KCNV2: variants seen among roughly 807,000 people sequenced by gnomAD.
KCNV2 encodes the protein potassium voltage-gated channel subfamily V member 2.
Under a neutral mutation model 37.0 loss-of-function variants are expected in KCNV2, and 65 were observed. The observed-to-expected ratio is 1.76, with a 90% CI of 1.44 to 2.16. The LOEUF (loss-of-function observed/expected upper bound fraction) is 2.16. Among genes scored for constraint, KCNV2 ranks in the 30% most tolerant of loss-of-function variants. The pLI is 0.00. For missense variants in KCNV2, 1,232 were observed against 766.7 expected, an observed-to-expected ratio of 1.61 and a Z score of -7.17; for synonymous variants, 518 against 328.6, an observed-to-expected ratio of 1.58 and a Z score of -6.23.
At chr9:2,723,759 TACGAG>T (rs1819921220) in intron 1 of KCNV2, among the ~76,000 whole-genome samples, 1 of 152,176 alleles carries the variant, frequency 6.6e-6, no homozygotes, top group African/African-American at 2.4e-5. Context: ...CTATAAAACA[TACGAG>T]AAGGTCAGCT....
intron 1 of KCNV2, among the ~76,000 whole-genome samples, chr9:2,723,542 G>A (rs532263064): frequency 6.6e-6 from 1 of 152,004 alleles, no homozygotes; most frequent in Admixed American, 6.5e-5. Flanking sequence ...TTTTTCATCT[G>A]TCAAATGGAG....
intron 1 of KCNV2, among the ~76,000 whole-genome samples, chr9:2,723,649 T>C (rs1430936606): frequency 9.2e-5 from 14 of 152,252 alleles, no homozygotes. Flanking sequence ...GACTAGTTGA[T>C]AGTCTTTGTC....
rs1819804957 is a variant in KCNV2 at position 2,718,853 on chromosome 9, GT to G, written c.1115del (p.Val372GlyfsTer82). On this transcript the variant is annotated frameshift_variant, in exon 1 of 2. Transcript: ENST00000382082. LOFTEE classifies it high-confidence loss of function. ...RGQTVGSVGK[V>X]GQVLRVMRLM... is the part of the protein sequence containing the mutation. ...CCAGACGGTGGGCAGCGTGGGTAAG[GT>G]GGGTCAGGTGTTGCGCGTCATGCGC... is the stretch of plus-strand genomic sequence containing the variant. The G allele has an allele frequency of 6.2e-7, 1 of 1,609,210 alleles. No homozygotes were observed. The highest frequency in any genetic ancestry group is 8.5e-7 in the Non-Finnish European group (1 of 1,179,966).
intron 1 of KCNV2, among the ~76,000 whole-genome samples, chr9:2,724,108 T>G (rs910915519): frequency 1.8e-4 from 27 of 151,948 alleles, no homozygotes; most frequent in African/African-American, 6.3e-4. Flanking sequence ...CCTTCTGAGT[T>G]TTCCAGGGCA....
chr9:2,728,328 G>A (rs897157449), intron 1 of KCNV2, among the ~76,000 whole-genome samples: 18 of 152,168 alleles, frequency 1.2e-4, no homozygotes, highest in Admixed American at 3.3e-4. Flanking sequence ...CTGGAGTAGT[G>A]CAACGCAAAA....
rs932944724 is a variant in KCNV2 at position 2,718,150 on chromosome 9, C to A, written c.411C>A (p.Ser137Arg). ...ATSTSRSRQL[S>R]LCDDYEEQTD... Reference sequence around the variant, plus strand: ...CCACCAGCCGCAGCCGCCAGCTAAGCCTGTGCGACGACTACGAGGAGCAGA... The same window carrying A: ...CCACCAGCCGCAGCCGCCAGCTAAGACTGTGCGACGACTACGAGGAGCAGA... Residue 137 changes from serine (S) to arginine (R), a missense_variant, in exon 1 of 2, where the codon AGC (serine) becomes AGA (arginine). Coordinates refer to ENST00000382082, the MANE Select transcript of KCNV2 (RefSeq NM_133497.4). 1 of 1,611,526 alleles carries A rather than the reference C, an allele frequency of 6.2e-7. No individual in the cohort carries two copies. The highest frequency in any genetic ancestry group is 2.2e-5 in the East Asian group (1 of 44,794).
chr9:2,718,148 A>C lies in KCNV2; in HGVS notation c.409A>C (p.Ser137Arg). 6.2e-7 allele frequency: 1 copy of C among 1,611,430 alleles called. No homozygotes were observed. Among genetic ancestry groups the C allele is most frequent in the Non-Finnish European group, 8.5e-7 (1 of 1,178,924 alleles). ...CTCCACCAGCCGCAGCCGCCAGCTA[A>C]GCCTGTGCGACGACTACGAGGAGCA... The part of the protein sequence containing the change: ...ATSTSRSRQL[S>R]LCDDYEEQTD... Residue 137 changes from serine to arginine, a missense_variant, in exon 1 of 2, where the codon AGC becomes CGC. By Grantham distance (110) the Ser-to-Arg change is moderately radical (BLOSUM62 -1). Transcript: ENST00000382082.
In KCNV2 at chr9:2,718,573, G is replaced by A. The variant is rs1429376047; in HGVS notation, c.834G>A (p.Ala278=). ...TFVLVSVVAL[A]LNTVEEMQQH... is the part of the protein sequence containing the mutation. ...TGCTCGTCTCCGTGGTGGCGCTGGC[G>A]CTCAACACCGTGGAGGAGATGCAGC... The change falls in exon 1 of 2, where the codon GCG becomes GCA. Residue 278 remains alanine (A), a synonymous_variant. Transcript: ENST00000382082. 7 of 1,612,710 alleles carry A rather than the reference G, an allele frequency of 4.3e-6. No homozygotes were observed. The highest frequency in any genetic ancestry group is 1.7e-4 in the Middle Eastern group (1 of 6,040).
At chr9:2,724,896 A>G (rs146971002) in intron 1 of KCNV2, among the ~76,000 whole-genome samples, 1 of 152,376 alleles carries the variant, frequency 6.6e-6, no homozygotes, top group Non-Finnish European at 1.5e-5. Context: ...GAGACAACAT[A>G]TAAATATCTG....
intron 1 of KCNV2, among the ~76,000 whole-genome samples, chr9:2,727,980 G>C (rs367612149): frequency 1.8e-4 from 28 of 152,106 alleles, no homozygotes; most frequent in African/African-American, 6.0e-4. Flanking sequence ...AAGGCTGCAT[G>C]ACCTCTCACA....
At position 2,717,621 on chromosome 9, in the gene KCNV2, C is replaced by T. The variant is rs977172552; in HGVS notation, c.-119C>T. On this transcript the variant is annotated 5_prime_UTR_variant, in exon 1 of 2. Coordinates refer to ENST00000382082, the MANE Select transcript of KCNV2 (RefSeq NM_133497.4). ...GTCTGAGCCCCTAGCTGTGCTGGTC[C>T]GGGCTGGCCTCTCTAAGACAGTGCA... 8.4e-6 allele frequency: 11 copies of T among 1,311,842 alleles called. No individual in the cohort carries two copies. The Admixed American group carries it at 9.0e-5, about 11-fold the overall frequency. 81.3% of individuals were successfully genotyped at this position (1,311,842 alleles called of 1,614,324 possible).
intron 1 of KCNV2, among the ~76,000 whole-genome samples, chr9:2,723,929 T>C (rs567813222): frequency 1.5e-4 from 22 of 151,470 alleles, no homozygotes; most frequent in Middle Eastern, 3.5e-3. Flanking sequence ...CTGTAATCAT[T>C]GGCCTCCTGT....
chr9:2,718,511 GC>G lies in KCNV2; in HGVS notation c.774del (p.Ala259ProfsTer63), dbSNP rs753147277. 7 of 1,610,626 alleles carry G rather than the reference GC, an allele frequency of 4.3e-6. No homozygotes were observed. In the Admixed American group the frequency reaches 1.2e-4, roughly 27 times the overall value. The part of the protein sequence containing the change: ...NLMEKPFSSV[A>X]AKAIGVASST... The stretch of plus-strand genomic sequence containing the variant: ...CATGGAGAAGCCATTCTCCTCGGTG[GC>G]CGCCAAGGCCATCGGGGTGGCCTCC... On this transcript the variant is annotated frameshift_variant, in exon 1 of 2. Transcript: ENST00000382082. LOFTEE classifies it high-confidence loss of function.
Position 2,729,687 on chromosome 9 carries a change from T to C in KCNV2, c.1598T>C (p.Leu533Pro), listed in dbSNP as rs1459396838. 2 of 1,613,980 alleles carry C rather than the reference T, an allele frequency of 1.2e-6. No homozygotes were observed. The highest frequency in any genetic ancestry group is 1.3e-5 in the African/African-American group (1 of 74,906). The change falls in exon 2 of 2, where the codon CTT becomes CCT. Residue 533 changes from leucine (L) to proline (P), a missense_variant. Leu to Pro is a moderately conservative substitution (Grantham distance 98, BLOSUM62 -3). Coordinates refer to ENST00000382082, the MANE Select transcript of KCNV2 (RefSeq NM_133497.4). ...AGAAAGAAGATAGCTGAGTGTTTGC[T>C]TGGAAGCAACCCACAGCTCACCCCA... ...RARKKIAECL[L>P]GSNPQLTPRQ...
Position 2,718,817 on chromosome 9 carries a change from C to T in KCNV2, c.1078C>T (p.His360Tyr), listed in dbSNP as rs1819803383. ...GCTCGAGTGCTTCACGGGCGAGGGC[C>T]ACCAACGCGGCCAGACGGTGGGCAG... ...LLLECFTGEG[H>Y]QRGQTVGSVG... is the part of the protein sequence containing the mutation. Residue 360 changes from histidine (H) to tyrosine (Y), a missense_variant, in exon 1 of 2, where the codon CAC (histidine) becomes TAC (tyrosine). Coordinates refer to ENST00000382082, the MANE Select transcript of KCNV2 (RefSeq NM_133497.4). 2 of 1,610,194 alleles carry T rather than the reference C, an allele frequency of 1.2e-6. No individual in the cohort carries two copies. Among genetic ancestry groups the T allele is most frequent in the East Asian group, 4.5e-5 (2 of 44,874 alleles).
Position 2,718,017 on chromosome 9 carries a change from C to CG in KCNV2, c.280dup (p.Ala94GlyfsTer278), listed in dbSNP as rs1221249050. 1.2e-6 allele frequency: 2 copies of CG among 1,613,110 alleles called. No individual in the cohort carries two copies. Among genetic ancestry groups the CG allele is most frequent in the East Asian group, 4.5e-5 (2 of 44,834 alleles). ...AAGCCCGAGGGCCCCAGCGACCCTC[C>CG]GGCCCTGCTGTCCACGCTGAATGTG... On this transcript the variant is annotated frameshift_variant, in exon 1 of 2. Transcript: ENST00000382082. LOFTEE classifies it high-confidence loss of function.
rs914000249 is a variant in KCNV2, at chr9:2,722,460, G to A, written c.1356+3365G>A. 3.1e-4 allele frequency among the ~76,000 whole-genome samples: 42 copies of A among 135,812 alleles called. 1 individual carries two copies. The South Asian group carries it at 4.8e-3, about 15-fold the overall frequency. The allele number at this position is 135,812 out of a possible 152,430, so 89.1% of individuals were successfully genotyped here. ...ATAAATAAGTTATTTATAAATAGAA[G>A]TTATTTATAAATAAGTTATTTATAA... On this transcript the variant is annotated intron_variant, in intron 1 of 1. Coordinates refer to ENST00000382082, the MANE Select transcript of KCNV2 (RefSeq NM_133497.4).
chr9:2,729,356 G>A lies in KCNV2; in HGVS notation c.1357-90G>A, dbSNP rs1230108990. On this transcript the variant is annotated intron_variant, in intron 1 of 1. Transcript: ENST00000382082. The stretch of plus-strand genomic sequence containing the variant: ...ATTACACTTCCCATGTGTACCCACA[G>A]GGAGGACGCTTCCCTGCTTGCTCCT... 6 of 1,447,632 alleles carry A rather than the reference G, an allele frequency of 4.1e-6. No individual in the cohort carries two copies. The East Asian group carries it at 1.1e-4, about 27-fold the overall frequency. The allele number at this position is 1,447,632 out of a possible 1,614,324, so 89.7% of individuals were successfully genotyped here. A position where few individuals can be genotyped will look rare whatever the true frequency, so the allele number is the denominator to read the frequency against.
chr9:2,723,567 CTAATG>C (rs35056311), intron 1 of KCNV2, among the ~76,000 whole-genome samples: 8,097 of 152,186 alleles, frequency 0.053, 737 homozygotes, highest in African/African-American at 0.19. Context: ...TTTGTGAGCA[CTAATG>C]TAATAGGAAA....
Sources: allele counts gnomAD v4.1 joint callset (sites outside exome capture counted in the v4.1 genomes callset), GRCh38; gene constraint gnomAD v4.1.1; transcripts MANE v1.5; gene names NCBI Gene and HGNC (gene_info 2026-07-23, HGNC 2026-07-21).